The following PDE5A variants were observed in gnomAD, a reference collection of about 807,000 sequenced individuals.
PDE5A encodes cGMP-specific 3',5'-cyclic phosphodiesterase.
A neutral mutation model predicts 110.2 loss-of-function variants in PDE5A; 67 were observed. The ratio of observed to expected loss-of-function variants is 0.61; its 90% CI spans 0.50 to 0.75. PDE5A has a LOEUF of 0.75. Among genes scored for constraint, PDE5A ranks in the 30% least tolerant of loss-of-function variants. The pLI, the probability that PDE5A is intolerant of heterozygous loss-of-function variation, is 0.00. For missense variants in PDE5A, 862 were observed against 1,045.1 expected (o/e 0.82, Z 2.42); for synonymous variants, 328 against 351.2 (o/e 0.93, Z 0.74).
At chr4:119,523,871 T>C (rs557690253) in intron 12 of PDE5A, among the ~76,000 whole-genome samples, 1 of 152,170 alleles carries the variant, frequency 6.6e-6, no homozygotes, top group South Asian at 2.1e-4. Context: ...TGAGATACTA[T>C]ATAGGTTTAT....
chr4:119,619,040 G>C (rs1730045344), intron 1 of PDE5A, among the ~76,000 whole-genome samples: 1 of 152,058 alleles, frequency 6.6e-6, no homozygotes. Context: ...TTTTTCATTA[G>C]TCATGTGAAT....
chr4:119,604,893 A>G (rs566759751), intron 2 of PDE5A, among the ~76,000 whole-genome samples: 137 of 152,280 alleles, frequency 9.0e-4, no homozygotes, highest in African/African-American at 2.8e-3. Context: ...CACCAACCTA[A>G]TACTTCTTCA....
chr4:119,498,488 C>T lies in PDE5A; in HGVS notation c.*113G>A. The T allele has an allele frequency of 4.4e-6, 5 of 1,145,842 alleles. 1 individual carries two copies. The highest frequency in any genetic ancestry group is 4.1e-4 in the Middle Eastern group (2 of 4,908). 71.0% of individuals were successfully genotyped at this position (1,145,842 alleles called of 1,614,324 possible). A position where few individuals can be genotyped will look rare whatever the true frequency, so the allele number is the denominator to read the frequency against. On this transcript the variant is annotated 3_prime_UTR_variant, in exon 21 of 21. Coordinates refer to ENST00000354960, the MANE Select transcript of PDE5A (RefSeq NM_001083.4). ...AAGTTGTGCAAAAATAAAAATACAG[C>T]AGTGGCAAAGTATATACCAAATACA...
intron 2 of PDE5A, among the ~76,000 whole-genome samples, chr4:119,597,345 G>C (rs1729189734): frequency 6.7e-6 from 1 of 149,676 alleles, no homozygotes; most frequent in Non-Finnish European, 1.5e-5. Flanking sequence ...TGTATTCCTA[G>C]CACAGGAACT....
intron 1 of PDE5A, among the ~76,000 whole-genome samples, chr4:119,619,905 C>T (rs748348572): frequency 6.6e-6 from 1 of 152,126 alleles, no homozygotes; most frequent in Non-Finnish European, 1.5e-5. Context: ...GGGCCCTTCA[C>T]CATAAACAGA....
chr4:119,554,181 T>A (rs1443092051), intron 7 of PDE5A, among the ~76,000 whole-genome samples: 1 of 152,062 alleles, frequency 6.6e-6, no homozygotes, highest in African/African-American at 2.4e-5. Context: ...AAGGGAAAAA[T>A]CAAACAGCTT....
intron 3 of PDE5A, among the ~76,000 whole-genome samples, chr4:119,579,587 G>A (rs536799350): frequency 6.6e-6 from 1 of 151,572 alleles, no homozygotes; most frequent in African/African-American, 2.4e-5. Context: ...ACTATCACAA[G>A]GACAAAAAAA....
At chr4:119,571,236 A>C (rs1220479776) in intron 3 of PDE5A, among the ~76,000 whole-genome samples, 1 of 152,188 alleles carries the variant, frequency 6.6e-6, no homozygotes, top group East Asian at 1.9e-4. Flanking sequence ...GTAGGCAAAT[A>C]ATGGCCCCCA....
chr4:119,541,690 C>T (rs1362844779), intron 10 of PDE5A: 2 of 152,130 alleles, frequency 1.3e-5, no homozygotes, highest in Non-Finnish European at 2.9e-5. Flanking sequence ...GATAAGAAAT[C>T]TCCATGTTAC....
chr4:119,556,389 T>C (rs2110499539), intron 7 of PDE5A, among the ~76,000 whole-genome samples: 1 of 152,276 alleles, frequency 6.6e-6, no homozygotes, highest in East Asian at 1.9e-4. Flanking sequence ...TGGAGCTGCA[T>C]CCTTGACCCT....
At chr4:119,605,619 C>G (rs893376320) in intron 2 of PDE5A, among the ~76,000 whole-genome samples, 1 of 152,038 alleles carries the variant, frequency 6.6e-6, no homozygotes, top group Non-Finnish European at 1.5e-5. Context: ...TGCACTCCAG[C>G]CTGGATAGCA....
At chr4:119,579,858 G>C (rs929616241) in intron 3 of PDE5A, among the ~76,000 whole-genome samples, 2 of 151,950 alleles carry the variant, frequency 1.3e-5, no homozygotes, top group Non-Finnish European at 2.9e-5. Flanking sequence ...AAAAAGATCT[G>C]TGAGTTTCAC....
chr4:119,602,273 T>C (rs1052656819), intron 2 of PDE5A, among the ~76,000 whole-genome samples: 4 of 152,172 alleles, frequency 2.6e-5, no homozygotes, highest in African/African-American at 9.7e-5. Context: ...AATAAGCATA[T>C]ATTCCTTATA....
At chr4:119,511,225 G>C (rs1725731993) in intron 14 of PDE5A, 91 bp from the exon 15 acceptor site, 1 of 717,020 alleles carries the variant, frequency 1.4e-6, no homozygotes, top group Admixed American at 2.2e-5. Flanking sequence ...AACTACAAAA[G>C]AGGCTACTTC....
At chr4:119,511,013 T>C in intron 15 of PDE5A, 34 bp downstream of exon 15, 1 of 1,202,798 alleles carries the variant, frequency 8.3e-7, no homozygotes, top group Non-Finnish European at 1.2e-6. Flanking sequence ...AAAGCTCTCT[T>C]TTAAAATTCC....
At chr4:119,521,584 C>T (rs1726130148) in intron 12 of PDE5A, among the ~76,000 whole-genome samples, 1 of 151,870 alleles carries the variant, frequency 6.6e-6, no homozygotes, top group African/African-American at 2.4e-5. Context: ...AGGTATATAG[C>T]ACATGTCCGA....
intron 14 of PDE5A, among the ~76,000 whole-genome samples, chr4:119,516,767 G>A (rs1357903533): frequency 7.2e-5 from 11 of 152,074 alleles, no homozygotes; most frequent in Non-Finnish European, 1.2e-4. Flanking sequence ...ACAGGCACCC[G>A]CCACCACACC....
intron 1 of PDE5A, among the ~76,000 whole-genome samples, chr4:119,612,537 G>T (rs1192500902): frequency 1.3e-5 from 2 of 152,134 alleles, no homozygotes; most frequent in Admixed American, 1.3e-4. Flanking sequence ...CATGCTTCCT[G>T]TAAAGCCTGC....
rs200266482 is a variant in PDE5A at position 119,496,622 on chromosome 4, A to G, written c.*1979T>C. The G allele has an allele frequency of 1.2e-4, 19 of 152,734 alleles. No individual in the cohort carries two copies. The highest frequency in any genetic ancestry group is 1.0e-3 in the South Asian group (5 of 4,832). The allele number at this position is 152,734 out of a possible 1,614,324, so 9.5% of individuals were successfully genotyped here. ...CTAAAGCATAAGTACATATTTTAGC[A>G]TAACTGCTAAATCACAATGTAATAA... On this transcript the variant is annotated 3_prime_UTR_variant, in exon 21 of 21. Transcript: ENST00000354960.
Sources: allele counts gnomAD v4.1 joint callset (sites outside exome capture counted in the v4.1 genomes callset), GRCh38; gene constraint gnomAD v4.1.1; transcripts MANE v1.5; gene names NCBI Gene and HGNC (gene_info 2026-07-23, HGNC 2026-07-21).